Variants in REXO1 observed in about 807,000 individuals in gnomAD.
The protein encoded by REXO1 is REX1, RNA exonuclease 1 homolog.
A neutral mutation model predicts 102.6 loss-of-function variants in REXO1; 42 were observed. The ratio of observed to expected loss-of-function variants is 0.41; its 90% CI spans 0.32 to 0.53. The LOEUF is 0.53. Among genes scored for constraint, REXO1 ranks in the 20% least tolerant of loss-of-function variants. The pLI is 0.27. For missense variants in REXO1, 1,819 were observed against 1,732.5 expected, an observed-to-expected ratio of 1.05 and a Z score of -0.89; for synonymous variants, 908 against 779.1, an observed-to-expected ratio of 1.17 and a Z score of -2.76.
Position 1,817,251 on chromosome 19 carries a change from G to A in REXO1, c.3169C>T (p.His1057Tyr), listed in dbSNP as rs377467891. The change falls in exon 12 of 16, where the codon CAC becomes TAC. Residue 1057 changes from histidine (H) to tyrosine (Y), a missense_variant. His to Tyr is a moderately conservative substitution (Grantham distance 83, BLOSUM62 2). Coordinates refer to ENST00000170168, the MANE Select transcript of REXO1 (RefSeq NM_020695.4). ...TFEKELSGDT[H>Y]PGIYALDCEM... The stretch of plus-strand genomic sequence containing the variant: ...CAGTCCAGGGCGTAGATCCCCGGGT[G>A]GGTGTCTCCTGAGAGCTCTTTCTCA... The A allele has an allele frequency of 3.7e-6, 6 of 1,613,080 alleles. No individual in the cohort carries two copies. The highest frequency in any genetic ancestry group is 5.1e-6 in the Non-Finnish European group (6 of 1,179,990).
chr19:1,821,122 T>C (rs951151261), intron 5 of REXO1, among the ~76,000 whole-genome samples: 3 of 149,798 alleles, frequency 2.0e-5, no homozygotes, highest in Admixed American at 6.6e-5. Context: ...CCGAGGCGGG[T>C]GGATCACGAG....
chr19:1,818,067 G>A (rs1009480515), intron 10 of REXO1, among the ~76,000 whole-genome samples: 3 of 152,278 alleles, frequency 2.0e-5, no homozygotes, highest in Non-Finnish European at 2.9e-5. Context: ...TTTAGGGGCC[G>A]CCACAGGGCT....
rs552614321 is a variant in REXO1 at position 1,825,579 on chromosome 19, G to A, written c.2016+260C>T. Among the ~76,000 whole-genome samples the A allele has an allele frequency of 6.6e-5, 10 of 151,782 alleles. 1 individual carries two copies. In the South Asian group the frequency reaches 2.1e-3, roughly 32 times the overall value. ...TAACCTCTGCCTCCTGAGTTCAAGCGATTCTCCTGCCTCAGCCTCTCTAGT... is the reference window on the plus strand; with the variant it reads ...TAACCTCTGCCTCCTGAGTTCAAGCAATTCTCCTGCCTCAGCCTCTCTAGT... On this transcript the variant is annotated intron_variant, in intron 3 of 15. Coordinates refer to ENST00000170168, the MANE Select transcript of REXO1 (RefSeq NM_020695.4).
chr19:1,834,968 G>A, intron 1 of REXO1: 1 of 440,500 alleles, frequency 2.3e-6, no homozygotes, highest in South Asian at 1.6e-5. Context: ...GTGCTGGAAG[G>A]CAGCATCCTG....
intron 1 of REXO1, among the ~76,000 whole-genome samples, chr19:1,831,989 G>A (rs1167217684): frequency 6.6e-6 from 1 of 151,308 alleles, no homozygotes; most frequent in Non-Finnish European, 1.5e-5. Flanking sequence ...TGGGACCTGT[G>A]GCCAGGCCAC....
rs577451934 is a variant in REXO1 at position 1,827,083 on chromosome 19, C to T, written c.1706G>A (p.Arg569Gln). The change falls in exon 2 of 16, where the codon CGG (arginine) becomes CAG (glutamine). Residue 569 changes from arginine to glutamine, a missense_variant. Transcript: ENST00000170168. ...GGAGGGGGGCGGGGAGGCCTTGAGC[C>T]GCTTGGGCGGCCCCTGCGCCTCCGG... ...GFPEAQGPPK[R>Q]LKASPPPSPA... 498 of 1,541,290 alleles carry T rather than the reference C, an allele frequency of 3.2e-4. 3 individuals are homozygous for T. In the South Asian group the frequency reaches 5.4e-3, roughly 17 times the overall value.
At position 1,818,757 on chromosome 19, in the gene REXO1, G is replaced by A. The variant is rs781781514; in HGVS notation, c.2851C>T (p.Arg951Trp). The A allele has an allele frequency of 1.6e-5, 26 of 1,610,430 alleles. No individual in the cohort carries two copies. Among genetic ancestry groups the A allele is most frequent in the African/African-American group, 2.7e-5 (2 of 74,906 alleles). The change falls in exon 9 of 16, where the codon CGG (arginine) becomes TGG (tryptophan). Residue 951 changes from arginine (R) to tryptophan (W), a missense_variant. Arg to Trp is a moderately radical substitution (Grantham distance 101). Transcript: ENST00000170168. ...GTGAAGATGATTGCGCCCCCGGGCC[G>A]CTCTGGGTGCGGGAAGGGGTAGCCG... ...ENGYPFPHPE[R>W]PGGAIIFTAE...
intron 1 of REXO1, among the ~76,000 whole-genome samples, chr19:1,841,355 T>C (rs527515215): frequency 2.0e-5 from 3 of 152,294 alleles, no homozygotes; most frequent in South Asian, 2.1e-4. Context: ...TCTCTAGGGA[T>C]TGCTTTGCAG....
intron 3 of REXO1, 34 bp downstream of exon 3, chr19:1,825,805 A>T: frequency 5.4e-6 from 7 of 1,296,652 alleles, no homozygotes; most frequent in Non-Finnish European, 6.5e-6. Context: ...AAAAAAAAAA[A>T]GGCTCCTGCT....
chr19:1,818,682 G>A, intron 9 of REXO1, 24 bp downstream of exon 9: 1 of 1,610,096 alleles, frequency 6.2e-7, no homozygotes, highest in Non-Finnish European at 8.5e-7. Context: ...TGCCCACCTA[G>A]GCCGTCGCAG....
In REXO1 at chr19:1,815,662, A is replaced by G. The variant is rs569819554; in HGVS notation, c.*404T>C. 8.1e-7 allele frequency: 1 copy of G among 1,229,322 alleles called. No homozygotes were observed. The highest frequency in any genetic ancestry group is 4.6e-5 in the East Asian group (1 of 21,714). 76.2% of individuals were successfully genotyped at this position (1,229,322 alleles called of 1,614,324 possible). ...TAAAAATAATAAAAATAACAATACA[A>G]AATAAAAAAAGACTGTCTCAAACAA... On this transcript the variant is annotated 3_prime_UTR_variant, in exon 16 of 16. Coordinates refer to ENST00000170168, the MANE Select transcript of REXO1 (RefSeq NM_020695.4). This position sits in a 1 kb window ranked among gnomAD's most constrained non-coding sequence, Gnocchi z 4.0.
chr19:1,815,552 G>T lies in REXO1; in HGVS notation c.*514C>A, dbSNP rs1418634439. ...GTGGCCCTGGCCCCCACTGGGGTCT[G>T]TCCCACCCCCACCCCGCAGGAGGGA... On this transcript the variant is annotated 3_prime_UTR_variant, in exon 16 of 16. Coordinates refer to ENST00000170168, the MANE Select transcript of REXO1 (RefSeq NM_020695.4). This position sits in a 1 kb window ranked among gnomAD's most constrained non-coding sequence, Gnocchi z 4.0. 3.5e-6 allele frequency: 2 copies of T among 579,554 alleles called. No homozygotes were observed. Among genetic ancestry groups the T allele is most frequent in the Admixed American group, 4.4e-5 (1 of 22,940 alleles). 35.9% of individuals were successfully genotyped at this position (579,554 alleles called of 1,614,324 possible).
Position 1,848,383 on chromosome 19 carries a change from G to A in REXO1, c.-25C>T. ...TGGTCCGTCCCGCGGCGGGGCCCCG[G>A]CCCGGAGCCGCCCGGGCCCCAGGGC... On this transcript the variant is annotated 5_prime_UTR_variant, in exon 1 of 16. Coordinates refer to ENST00000170168, the MANE Select transcript of REXO1 (RefSeq NM_020695.4). The A allele has an allele frequency of 2.5e-6, 3 of 1,190,976 alleles. No individual in the cohort carries two copies. The highest frequency in any genetic ancestry group is 3.1e-6 in the Non-Finnish European group (3 of 956,722). The allele number at this position is 1,190,976 out of a possible 1,614,324, so 73.8% of individuals were successfully genotyped here.
chr19:1,824,099 T>G (rs2069634884), intron 3 of REXO1: 2 of 284,746 alleles, frequency 7.0e-6, no homozygotes, highest in African/African-American at 2.2e-5. Context: ...ACGCCTAATC[T>G]TCCTCAAAGC....
rs1328436929 is a variant in REXO1 at position 1,827,433 on chromosome 19, G to C, written c.1356C>G (p.Asp452Glu). 1 of 1,553,418 alleles carries C rather than the reference G, an allele frequency of 6.4e-7. No homozygotes were observed. The highest frequency in any genetic ancestry group is 1.8e-4 in the Middle Eastern group (1 of 5,462). ...PVATSGKGRP[D>E]RPARRPSPTS... ...TGGGGCTCGGCCGCCGCGCTGGCCG[G>C]TCAGGCCTCCCTTTCCCTGAGGTGG... The change falls in exon 2 of 16, where the codon GAC becomes GAG. Residue 452 changes from aspartate (D) to glutamate (E), a missense_variant. Transcript: ENST00000170168.
In REXO1 at chr19:1,823,739, G is replaced by A. The variant is rs767520925; in HGVS notation, c.2063C>T (p.Pro688Leu). 14 of 1,262,900 alleles carry A rather than the reference G, an allele frequency of 1.1e-5. No homozygotes were observed. The South Asian group carries it at 1.5e-4, about 13-fold the overall frequency. 78.2% of individuals were successfully genotyped at this position (1,262,900 alleles called of 1,614,324 possible). A position where few individuals can be genotyped will look rare whatever the true frequency, so the allele number is the denominator to read the frequency against. Residue 688 changes from proline (P) to leucine (L), a missense_variant, in exon 4 of 16, where the codon CCG (proline) becomes CTG (leucine). Coordinates refer to ENST00000170168, the MANE Select transcript of REXO1 (RefSeq NM_020695.4). ...RGPAVPPARP[P>L]TAQEVCYLRA... is the part of the protein sequence containing the mutation. ...CAGGTAGCACACCTCCTGCGCCGTC[G>A]GGGGCCGGGCCGGGGGCACCGCGGG...
intron 1 of REXO1, among the ~76,000 whole-genome samples, chr19:1,838,842 G>A (rs1263755315): frequency 1.3e-5 from 2 of 151,446 alleles, no homozygotes; most frequent in African/African-American, 4.9e-5. Flanking sequence ...TCTCAGCCGG[G>A]CACGGTAGCT....
chr19:1,820,382 G>C lies in REXO1; in HGVS notation c.2408C>G (p.Pro803Arg), dbSNP rs781759370. 4 of 1,613,506 alleles carry C rather than the reference G, an allele frequency of 2.5e-6. No homozygotes were observed. In the South Asian group the frequency reaches 4.4e-5, roughly 18 times the overall value. The change falls in exon 6 of 16, where the codon CCC (proline) becomes CGC (arginine). Residue 803 changes from proline (P) to arginine (R), a missense_variant. Physicochemically the swap from Pro to Arg is moderately radical, Grantham distance 103. Coordinates refer to ENST00000170168, the MANE Select transcript of REXO1 (RefSeq NM_020695.4). ...GCCCCCAAACTCTTTGGGGATAATG[G>C]GTTTCTTTAAACTCTAGAGGGAAGG... ...HSPSLQSLKKPIIPKEFGGKV... is the reference protein window; with the variant it reads ...HSPSLQSLKKRIIPKEFGGKV...
rs2069448303 is a variant in REXO1, at chr19:1,818,858, A to G, written c.2765-15T>C. 6.2e-7 allele frequency: 1 copy of G among 1,608,796 alleles called. No individual in the cohort carries two copies. The highest frequency in any genetic ancestry group is 8.5e-7 in the Non-Finnish European group (1 of 1,179,176). On this transcript the variant is annotated splice_polypyrimidine_tract_variant and intron_variant, in intron 8 of 15. Coordinates refer to ENST00000170168, the MANE Select transcript of REXO1 (RefSeq NM_020695.4). ...CAGGGCAGCCCCTGTGGACAGGCAC[A>G]GTGGTCAGCCCCTGCCTGGGATGGC...
Sources: gnomAD v4.1 joint callset for allele counts (sites outside exome capture counted in the v4.1 genomes callset) on GRCh38, gnomAD v4.1.1 for gene constraint, Gnocchi (gnomAD v3.1) non-coding constraint, MANE v1.5 for transcripts, NCBI Gene and HGNC (gene_info 2026-07-23, HGNC 2026-07-21) for gene names.